OCLN: variants seen among roughly 807,000 people sequenced by gnomAD.
OCLN encodes the protein occludin.
In OCLN, 21 loss-of-function variants were observed where a neutral mutation model predicts 47.9. The observed-to-expected ratio is 0.44, with a 90% CI of 0.31 to 0.63. The LOEUF (loss-of-function observed/expected upper bound fraction) is 0.63, where lower values mean the gene tolerates loss of function less well. Ranked by LOEUF, OCLN falls within the 30% of genes least tolerant of loss-of-function variation. The pLI is 0.08. For missense variants in OCLN, 360 were observed against 571.0 expected (o/e 0.63, Z 3.77); for synonymous variants, 117 against 198.4 (o/e 0.59, Z 3.45).
In OCLN at chr5:69,504,230, C is replaced by G. The variant is rs762490441; in HGVS notation, c.-15C>G. ...TTGCTCATCCTGAAGATCAGCTGAC[C>G]ATTGACAATCAGCCATGTCATCCAG... On this transcript the variant is annotated 5_prime_UTR_variant, in exon 2 of 9. Coordinates refer to ENST00000396442, the MANE Select transcript of OCLN (RefSeq NM_001205254.2). The G allele has an allele frequency of 6.3e-7, 1 of 1,596,874 alleles. No individual in the cohort carries two copies. Among genetic ancestry groups the G allele is most frequent in the Admixed American group, 1.7e-5 (1 of 59,994 alleles).
chr5:69,502,967 AG>A (rs1768500357), intron 1 of OCLN, among the ~76,000 whole-genome samples: 1 of 152,238 alleles, frequency 6.6e-6, no homozygotes, highest in Non-Finnish European at 1.5e-5. Context: ...TCTGGGTTCA[AG>A]TTACATCTGA....
At chr5:69,521,049 C>T (rs1170946113) in intron 4 of OCLN, among the ~76,000 whole-genome samples, 2 of 151,912 alleles carry the variant, frequency 1.3e-5, no homozygotes, top group African/African-American at 2.4e-5. Flanking sequence ...GGTTTCACCA[C>T]GTTGGTCGAA....
intron 4 of OCLN, among the ~76,000 whole-genome samples, chr5:69,527,533 G>A (rs574608527): frequency 1.4e-4 from 22 of 152,188 alleles, no homozygotes; most frequent in Admixed American, 7.9e-4. Flanking sequence ...GTAGGCTTAC[G>A]CAATTGCTTT....
intron 1 of OCLN, among the ~76,000 whole-genome samples, chr5:69,501,032 T>C (rs961518398): frequency 5.9e-5 from 9 of 152,060 alleles, no homozygotes; most frequent in Non-Finnish European, 1.2e-4. Context: ...TTCTCATGCC[T>C]CAGTTTCTCA....
At chr5:69,498,602 A>G (rs920740732) in intron 1 of OCLN, among the ~76,000 whole-genome samples, 9 of 152,182 alleles carry the variant, frequency 5.9e-5, no homozygotes, top group African/African-American at 2.2e-4. Context: ...CCATGATACT[A>G]AAATCTGAGG....
intron 1 of OCLN, among the ~76,000 whole-genome samples, chr5:69,494,618 C>A (rs1157262893): frequency 6.6e-6 from 1 of 152,150 alleles, no homozygotes; most frequent in African/African-American, 2.4e-5. Context: ...TAGGGGCCTC[C>A]TTTGTTAGGT....
At chr5:69,498,005 G>T (rs1459372216) in intron 1 of OCLN, among the ~76,000 whole-genome samples, 1 of 151,206 alleles carries the variant, frequency 6.6e-6, no homozygotes, top group South Asian at 2.1e-4. Flanking sequence ...AGTGGCGGGC[G>T]CCTGTAGTCC....
At chr5:69,522,301 C>T (rs1479903637) in intron 4 of OCLN, among the ~76,000 whole-genome samples, 1 of 152,098 alleles carries the variant, frequency 6.6e-6, no homozygotes, top group Non-Finnish European at 1.5e-5. Context: ...TAAATGTGTG[C>T]AGAGGGTTGA....
chr5:69,518,021 A>G (rs1769025968), intron 4 of OCLN, among the ~76,000 whole-genome samples: 1 of 152,236 alleles, frequency 6.6e-6, no homozygotes, highest in Non-Finnish European at 1.5e-5. Flanking sequence ...AGGGAGACCA[A>G]TGCCAGTAAT....
At chr5:69,519,160 C>T (rs1409860143) in intron 4 of OCLN, among the ~76,000 whole-genome samples, 3 of 152,066 alleles carry the variant, frequency 2.0e-5, no homozygotes, top group Non-Finnish European at 4.4e-5. Context: ...CAAAAAAGTA[C>T]TACAGTAACA....
intron 4 of OCLN, among the ~76,000 whole-genome samples, chr5:69,528,588 T>C (rs756649676): frequency 2.0e-5 from 3 of 152,198 alleles, no homozygotes; most frequent in African/African-American, 4.8e-5. Context: ...GTTTGAATTC[T>C]TGAGGTGGCA....
intron 2 of OCLN, 59 bp from the exon 3 acceptor site, chr5:69,509,082 G>A: frequency 2.2e-6 from 3 of 1,389,762 alleles, no homozygotes; most frequent in Non-Finnish European, 3.1e-6. Context: ...AATAAGTTGT[G>A]TTCTTTCTGC....
rs760192677 is a variant in OCLN, at chr5:69,513,941, T to C, written c.730-7T>C. 6 of 1,611,010 alleles carry C rather than the reference T, an allele frequency of 3.7e-6. No individual in the cohort carries two copies. The Admixed American group carries it at 8.3e-5, about 22-fold the overall frequency. On this transcript the variant is annotated splice_region_variant and splice_polypyrimidine_tract_variant and intron_variant, in intron 3 of 8. Transcript: ENST00000396442. ...TAATTATGCCAATATTTTCCACTCCTTTTTAGGCCATTGCCATTGTACTGG... is the reference window on the plus strand; with the variant it reads ...TAATTATGCCAATATTTTCCACTCCCTTTTAGGCCATTGCCATTGTACTGG...
In OCLN at chr5:69,509,930, C is replaced by T. The variant is rs192067636; in HGVS notation, c.729+111C>T. ...CTTAAAAAATATTGATGACAAGGCT[C>T]CACTTCTAATTAAATCTGGGGGAGG... On this transcript the variant is annotated intron_variant, in intron 3 of 8. Transcript: ENST00000396442. The T allele has an allele frequency of 1.1e-4, 94 of 842,908 alleles. No homozygotes were observed. The East Asian group carries it at 2.0e-3, about 18-fold the overall frequency. The allele number at this position is 842,908 out of a possible 1,614,324, so 52.2% of individuals were successfully genotyped here.
intron 4 of OCLN, among the ~76,000 whole-genome samples, chr5:69,525,058 G>C (rs1753879986): frequency 6.6e-6 from 1 of 151,660 alleles, no homozygotes; most frequent in Non-Finnish European, 1.5e-5. Flanking sequence ...GTACCTAAGA[G>C]TGGAACTTCT....
intron 4 of OCLN, among the ~76,000 whole-genome samples, chr5:69,515,112 C>T (rs1160923103): frequency 5.1e-5 from 7 of 135,936 alleles, no homozygotes; most frequent in South Asian, 2.4e-4. Context: ...CGGGCAGAGG[C>T]GCCCCTCACC....
At chr5:69,530,138 A>G (rs1769390400) in intron 4 of OCLN, among the ~76,000 whole-genome samples, 1 of 152,274 alleles carries the variant, frequency 6.6e-6, no homozygotes, top group African/African-American at 2.4e-5. Context: ...CAGGAGTTCA[A>G]GTCCAGCTTG....
rs1005894669 is a variant in OCLN at position 69,516,466 on chromosome 5, C to G, written c.891+2357C>G. On this transcript the variant is annotated intron_variant, in intron 4 of 8. Transcript: ENST00000396442. ...GCAGCAGTACAGTCCAGCTTCGGCT[C>G]GGCATCAGTGGGAGACCGTGGAAAG... 3.1e-4 allele frequency among the ~76,000 whole-genome samples: 47 copies of G among 151,988 alleles called. 1 individual carries two copies. Among genetic ancestry groups the G allele is most frequent in the Admixed American group, 1.3e-3 (20 of 15,268 alleles).
At chr5:69,506,760 T>C (rs1041646500) in intron 2 of OCLN, among the ~76,000 whole-genome samples, 5 of 152,224 alleles carry the variant, frequency 3.3e-5, no homozygotes, top group Non-Finnish European at 4.4e-5. Flanking sequence ...TCCAGTTCTT[T>C]AACCTCCTTA....
Sources: allele counts gnomAD v4.1 joint callset (sites outside exome capture counted in the v4.1 genomes callset), GRCh38; gene constraint gnomAD v4.1.1; transcripts MANE v1.5; gene names NCBI Gene and HGNC (gene_info 2026-07-23, HGNC 2026-07-21).